The following CHL1 variants were observed in gnomAD, a reference collection of about 807,000 sequenced individuals.
CHL1 encodes the protein neural cell adhesion molecule L1-like protein.
Under a neutral mutation model 141.9 loss-of-function variants are expected in CHL1, and 96 were observed. That is an observed-to-expected ratio of 0.68 (90% CI 0.57 to 0.80). The LOEUF (loss-of-function observed/expected upper bound fraction) is 0.80. Ranked by LOEUF, CHL1 falls within the 30% of genes least tolerant of loss-of-function variation. CHL1 has a pLI of 0.00. For missense variants in CHL1, 1,820 were observed against 1,457.2 expected, an observed-to-expected ratio of 1.25 and a Z score of -4.05; for synonymous variants, 613 against 502.2, an observed-to-expected ratio of 1.22 and a Z score of -2.95.
intron 2 of CHL1, among the ~76,000 whole-genome samples, chr3:278,375 T>C (rs1235420378): frequency 2.0e-5 from 3 of 152,314 alleles, no homozygotes; most frequent in Middle Eastern, 3.4e-3. Context: ...TGGCGGCTAA[T>C]GTGGGAGCTG....
chr3:284,806 A>T (rs1391922976), intron 2 of CHL1, among the ~76,000 whole-genome samples: 1 of 152,052 alleles, frequency 6.6e-6, no homozygotes, highest in Non-Finnish European at 1.5e-5. Context: ...AGATCTAAGG[A>T]CATTAATCAG....
chr3:244,106 T>TG (rs34516154), intron 1 of CHL1, among the ~76,000 whole-genome samples: 23,130 of 152,144 alleles, frequency 0.15, 2,019 homozygotes, highest in East Asian at 0.38. Flanking sequence ...TGGTGAGAGA[T>TG]GACCTCTTGA....
At chr3:337,893 T>C (rs192518304) in intron 5 of CHL1, among the ~76,000 whole-genome samples, 1 of 152,196 alleles carries the variant, frequency 6.6e-6, no homozygotes, top group Non-Finnish European at 1.5e-5. Context: ...TACCCAGTAA[T>C]GGGATGGCTG....
intron 1 of CHL1, among the ~76,000 whole-genome samples, chr3:238,823 C>T (rs1041736715): frequency 3.3e-5 from 5 of 151,756 alleles, no homozygotes; most frequent in African/African-American, 1.2e-4. Flanking sequence ...ATCCCAGCTA[C>T]TCAGGAGGCT....
intron 5 of CHL1, among the ~76,000 whole-genome samples, chr3:331,682 A>T (rs1219767417): frequency 6.6e-6 from 1 of 152,200 alleles, no homozygotes; most frequent in Non-Finnish European, 1.5e-5. Context: ...CAACTCAGAT[A>T]AAAATTATTG....
intron 2 of CHL1, among the ~76,000 whole-genome samples, chr3:256,144 T>C (rs1381126663): frequency 3.6e-5 from 4 of 111,612 alleles, no homozygotes; most frequent in Non-Finnish European, 7.7e-5. Flanking sequence ...TTCATGCTTC[T>C]GTGTATGCAT....
At chr3:281,418 A>G (rs978473101) in intron 2 of CHL1, among the ~76,000 whole-genome samples, 5 of 152,132 alleles carry the variant, frequency 3.3e-5, no homozygotes, top group African/African-American at 1.2e-4. Context: ...TACTATTGGT[A>G]AAGTTGTGGT....
chr3:398,091 TCTC>T, intron 24 of CHL1, 133 bp from the exon 25 acceptor site: 3 of 478,138 alleles, frequency 6.3e-6, no homozygotes, highest in Middle Eastern at 4.8e-4. Flanking sequence ...ATTTTCTTGA[TCTC>T]CTGGTAATTC....
intron 1 of CHL1, chr3:197,667 G>A (rs547460204): frequency 1.8e-4 from 66 of 374,576 alleles, no homozygotes; most frequent in African/African-American, 1.2e-3. Flanking sequence ...CCTGGAGCGG[G>A]GAATCCATGG....
At chr3:248,621 T>G (rs1170234535) in intron 2 of CHL1, 1 of 152,064 alleles carries the variant, frequency 6.6e-6, no homozygotes, top group Non-Finnish European at 1.5e-5. Context: ...GTCCCTCTGT[T>G]TTTGTTTGTA....
At chr3:202,308 C>G (rs1202415290) in intron 1 of CHL1, among the ~76,000 whole-genome samples, 1 of 152,096 alleles carries the variant, frequency 6.6e-6, no homozygotes, top group Non-Finnish European at 1.5e-5. Flanking sequence ...GATAGAGGGA[C>G]AGAGCGTATG....
At chr3:310,278 T>C (rs188850446) in intron 2 of CHL1, among the ~76,000 whole-genome samples, 7 of 152,070 alleles carry the variant, frequency 4.6e-5, no homozygotes, top group Admixed American at 3.3e-4. Flanking sequence ...AATTTTTTTT[T>C]TAATTAGCTG....
At chr3:346,361 GCAA>G (rs1320444106) in intron 9 of CHL1, among the ~76,000 whole-genome samples, 1 of 152,166 alleles carries the variant, frequency 6.6e-6, no homozygotes, top group East Asian at 1.9e-4. Flanking sequence ...AATCATGATG[GCAA>G]CAACCTGCTC....
intron 1 of CHL1, among the ~76,000 whole-genome samples, chr3:230,369 C>T (rs1701754971): frequency 6.6e-6 from 1 of 152,212 alleles, no homozygotes; most frequent in Admixed American, 6.5e-5. Context: ...TCTGCATCCA[C>T]AGCCTGTTCA....
intron 23 of CHL1, among the ~76,000 whole-genome samples, chr3:393,232 CA>C (rs61149354): frequency 1.1e-4 from 10 of 94,684 alleles, no homozygotes; most frequent in African/African-American, 3.2e-4. Flanking sequence ...GACTCCGTCT[CA>C]AAAAAAAAAA....
chr3:241,240 GA>G (rs1336406464), intron 1 of CHL1, among the ~76,000 whole-genome samples: 1 of 152,134 alleles, frequency 6.6e-6, no homozygotes, highest in Non-Finnish European at 1.5e-5. Context: ...GCTTAGAAAG[GA>G]GTCATGTCAT....
At chr3:364,957 G>A (rs1704684759) in intron 14 of CHL1, among the ~76,000 whole-genome samples, 1 of 151,960 alleles carries the variant, frequency 6.6e-6, no homozygotes, top group South Asian at 2.1e-4. Context: ...TGAATTTCTG[G>A]CTTTAAATTT....
intron 2 of CHL1, among the ~76,000 whole-genome samples, chr3:303,345 T>C (rs1207810669): frequency 6.6e-6 from 1 of 152,214 alleles, no homozygotes; most frequent in African/African-American, 2.4e-5. Flanking sequence ...GTATGGCCAT[T>C]TTCACAATAT....
chr3:301,738 G>C (rs1698757109), intron 2 of CHL1, among the ~76,000 whole-genome samples: 1 of 152,020 alleles, frequency 6.6e-6, no homozygotes, highest in Non-Finnish European at 1.5e-5. Context: ...TCTTTTTCCG[G>C]AAAGAAGACA....
Sources: allele counts gnomAD v4.1 joint callset (sites outside exome capture counted in the v4.1 genomes callset), GRCh38; gene constraint gnomAD v4.1.1; transcripts MANE v1.5; gene names NCBI Gene and HGNC (gene_info 2026-07-23, HGNC 2026-07-21).